PTPRM: variants seen among roughly 807,000 people sequenced by gnomAD.
PTPRM encodes the protein receptor-type tyrosine-protein phosphatase mu.
Under a neutral mutation model 186.7 loss-of-function variants are expected in PTPRM, and 47 were observed. That is an observed-to-expected ratio of 0.25 (90% confidence interval 0.20 to 0.32). The LOEUF is 0.32. Among genes scored for constraint, PTPRM ranks in the 10% least tolerant of loss-of-function variants. The pLI is 1.00. For synonymous variants in PTPRM, 668 were observed against 674.9 expected, an observed-to-expected ratio of 0.99 and a Z score of 0.16; for missense variants, 1,494 against 1,865.0, an observed-to-expected ratio of 0.80 and a Z score of 3.66.
intron 7 of PTPRM, among the ~76,000 whole-genome samples, chr18:8,033,324 A>C (rs1019973297): frequency 3.9e-5 from 6 of 152,182 alleles, no homozygotes; most frequent in South Asian, 2.1e-4. Context: ...TGTACTATAC[A>C]TACACTGTAT....
rs1314765715 is a variant in PTPRM at position 8,240,537 on chromosome 18, GGAAGGAAGGAAGGAAA to G, written c.2301-3513_2301-3498del. On this transcript the variant is annotated intron_variant, in intron 14 of 32. Coordinates refer to ENST00000580170, the MANE Select transcript of PTPRM (RefSeq NM_001105244.2). ...AGGAAGGAAGGAAGGAAGGAAGGAAGGAAGGAAGGAAGGAAAGAAGGAAAGAAAGAAAGAAATTGAA... is the reference window on the plus strand; with the variant it reads ...AGGAAGGAAGGAAGGAAGGAAGGAAGGAAGGAAAGAAAGAAAGAAATTGAA... 6.9e-5 allele frequency among the ~76,000 whole-genome samples: 8 copies of G among 115,268 alleles called. No homozygotes were observed. The South Asian group carries it at 1.1e-3, about 16-fold the overall frequency. The allele number at this position is 115,268 out of a possible 152,430, so 75.6% of individuals were successfully genotyped here. A position where few individuals can be genotyped will look rare whatever the true frequency, so the allele number is the denominator to read the frequency against.
At chr18:8,287,949 C>T (rs1039478556) in intron 19 of PTPRM, among the ~76,000 whole-genome samples, 4 of 152,130 alleles carry the variant, frequency 2.6e-5, no homozygotes, top group African/African-American at 9.7e-5. Context: ...ATTACCATGG[C>T]CTCTTTGGGT....
At chr18:8,300,629 C>T (rs1283835647) in intron 20 of PTPRM, among the ~76,000 whole-genome samples, 1 of 152,128 alleles carries the variant, frequency 6.6e-6, no homozygotes, top group Non-Finnish European at 1.5e-5. Flanking sequence ...TCTGCCCAGG[C>T]GGGACTCTGG....
At chr18:7,820,743 A>G (rs1180001651) in intron 2 of PTPRM, among the ~76,000 whole-genome samples, 3 of 152,128 alleles carry the variant, frequency 2.0e-5, no homozygotes, top group Non-Finnish European at 4.4e-5. Flanking sequence ...ACTTCCCCGG[A>G]AAGCACCACG....
intron 2 of PTPRM, among the ~76,000 whole-genome samples, chr18:7,793,443 T>C (rs1042541254): frequency 2.6e-5 from 4 of 152,198 alleles, no homozygotes; most frequent in Non-Finnish European, 4.4e-5. Flanking sequence ...ACTTTTAATA[T>C]TGTATCTCAC....
At chr18:8,192,601 TAAAA>T (rs1023044102) in intron 14 of PTPRM, among the ~76,000 whole-genome samples, 1 of 152,046 alleles carries the variant, frequency 6.6e-6, no homozygotes, top group Non-Finnish European at 1.5e-5. Context: ...ATGGTAAACT[TAAAA>T]AAATCAAAAA....
intron 2 of PTPRM, among the ~76,000 whole-genome samples, chr18:7,881,971 C>T (rs1251910452): frequency 6.6e-5 from 10 of 151,836 alleles, no homozygotes; most frequent in East Asian, 5.8e-4. Context: ...TTCTTTTTTT[C>T]ATTCTTTTCT....
intron 22 of PTPRM, among the ~76,000 whole-genome samples, chr18:8,323,513 ATAG>A (rs1313732701): frequency 1.3e-5 from 2 of 152,208 alleles, no homozygotes; most frequent in African/African-American, 4.8e-5. Context: ...AACCTGAGCT[ATAG>A]ATTGTTGAGA....
At chr18:8,399,365 C>T (rs974065544) in intron 32 of PTPRM, among the ~76,000 whole-genome samples, 5 of 152,252 alleles carry the variant, frequency 3.3e-5, no homozygotes, top group South Asian at 2.1e-4. Context: ...GCACCTAGCA[C>T]GAGGGACTCC....
At chr18:8,052,844 G>C (rs2087608735) in intron 7 of PTPRM, among the ~76,000 whole-genome samples, 1 of 152,146 alleles carries the variant, frequency 6.6e-6, no homozygotes, top group South Asian at 2.1e-4. Context: ...CCAACAATCA[G>C]TATTACCAGA....
chr18:7,813,039 G>A (rs796125951), intron 2 of PTPRM, among the ~76,000 whole-genome samples: 5 of 152,338 alleles, frequency 3.3e-5, no homozygotes, highest in African/African-American at 1.2e-4. Flanking sequence ...TCATGCTGAC[G>A]AATTACCCCT....
At chr18:7,900,561 G>GTA (rs948660458) in intron 3 of PTPRM, among the ~76,000 whole-genome samples, 26 of 152,066 alleles carry the variant, frequency 1.7e-4, no homozygotes, top group Admixed American at 1.3e-4. Context: ...GTGTGTGTGT[G>GTA]TATATATATG....
chr18:8,094,265 C>T (rs569880947), intron 11 of PTPRM, among the ~76,000 whole-genome samples: 40 of 151,746 alleles, frequency 2.6e-4, no homozygotes, highest in African/African-American at 9.4e-4. Context: ...CCTAACACTT[C>T]GGGAGGCCAA....
intron 2 of PTPRM, among the ~76,000 whole-genome samples, chr18:7,859,115 C>G (rs2047224922): frequency 6.6e-6 from 1 of 152,098 alleles, no homozygotes; most frequent in South Asian, 2.1e-4. Context: ...ACTGATATTC[C>G]CAGTTTTGTG....
chr18:8,126,454 A>G (rs1041670804), intron 13 of PTPRM, among the ~76,000 whole-genome samples: 11 of 152,050 alleles, frequency 7.2e-5, no homozygotes, highest in African/African-American at 2.7e-4. Flanking sequence ...TCGATCACCC[A>G]TTTCTTTTGG....
chr18:8,244,543 C>A (rs1016532393), intron 15 of PTPRM, among the ~76,000 whole-genome samples: 12 of 152,172 alleles, frequency 7.9e-5, no homozygotes, highest in Non-Finnish European at 1.3e-4. Flanking sequence ...GTAAACTATC[C>A]AGGTGTGGAA....
At chr18:7,610,276 A>G (rs2037640300) in intron 1 of PTPRM, among the ~76,000 whole-genome samples, 1 of 152,170 alleles carries the variant, frequency 6.6e-6, no homozygotes, top group African/African-American at 2.4e-5. Flanking sequence ...GGTTCCTGTG[A>G]TTATTCTCAG....
At chr18:8,069,599 A>C (rs1244039288) in intron 7 of PTPRM, 87 bp from the exon 8 acceptor site, 1 of 1,197,266 alleles carries the variant, frequency 8.4e-7, no homozygotes, top group Non-Finnish European at 1.2e-6. Context: ...GGTGGGGACA[A>C]CTGGGAATAT....
rs182783147 is a variant in PTPRM at position 8,235,388 on chromosome 18, C to T, written c.2301-8670C>T. Among the ~76,000 whole-genome samples, 555 of 150,222 alleles carry T rather than the reference C, an allele frequency of 3.7e-3. 3 individuals carry two copies. Among genetic ancestry groups the T allele is most frequent in the Middle Eastern group, 0.025 (7 of 282 alleles). On this transcript the variant is annotated intron_variant, in intron 14 of 32. Transcript: ENST00000580170. ...GTTGTTCGTAATATTCTTTATTATC[C>T]TTTTAATGTCCATGGGATCTGTAAT...
Sources: gnomAD v4.1 joint callset for allele counts (sites outside exome capture counted in the v4.1 genomes callset) on GRCh38, gnomAD v4.1.1 for gene constraint, MANE v1.5 for transcripts, NCBI Gene and HGNC (gene_info 2026-07-23, HGNC 2026-07-21) for gene names.